Variants in SLIT3 observed in about 807,000 individuals in gnomAD.
SLIT3 encodes the protein slit guidance ligand 3.
A neutral mutation model predicts 184.0 loss-of-function variants in SLIT3; 68 were observed. The ratio of observed to expected loss-of-function variants is 0.37; its 90% CI spans 0.30 to 0.45. SLIT3 has a LOEUF of 0.45. Among genes scored for constraint, SLIT3 ranks in the 20% least tolerant of loss-of-function variants. SLIT3 has a pLI of 1.00. For synonymous variants in SLIT3, 831 were observed against 828.6 expected, an observed-to-expected ratio of 1.00 and a Z score of -0.05; for missense variants, 1,707 against 2,026.0, an observed-to-expected ratio of 0.84 and a Z score of 3.02.
intron 4 of SLIT3, among the ~76,000 whole-genome samples, chr5:168,925,277 T>C (rs961000302): frequency 2.6e-5 from 4 of 152,140 alleles, no homozygotes; most frequent in Non-Finnish European, 5.9e-5. Flanking sequence ...AGGAATAGCA[T>C]TGCAGAACTG....
At position 168,749,684 on chromosome 5, in the gene SLIT3, G is replaced by A. The variant is rs767547413; in HGVS notation, c.1974-49C>T. 18 of 1,601,286 alleles carry A rather than the reference G, an allele frequency of 1.1e-5. 1 individual carries two copies. The highest frequency in any genetic ancestry group is 1.7e-4 in the Middle Eastern group (1 of 6,046). ...GCCTCCATCCTTCTACTGTGGGAGCGGCCCTGGGATCTGCTGCCCAGAGCC... is the reference window on the plus strand; with the variant it reads ...GCCTCCATCCTTCTACTGTGGGAGCAGCCCTGGGATCTGCTGCCCAGAGCC... On this transcript the variant is annotated intron_variant, in intron 18 of 35. Transcript: ENST00000519560.
At chr5:168,966,186 T>A (rs182832169) in intron 4 of SLIT3, among the ~76,000 whole-genome samples, 34 of 152,310 alleles carry the variant, frequency 2.2e-4, no homozygotes, top group African/African-American at 8.2e-4. Flanking sequence ...GACATGTGCT[T>A]TGAATGTGAA....
chr5:169,290,868 G>C (rs1275673820), intron 1 of SLIT3, among the ~76,000 whole-genome samples: 1 of 152,034 alleles, frequency 6.6e-6, no homozygotes, highest in African/African-American at 2.4e-5. Context: ...GCATACGCTA[G>C]GGTGTACACT....
chr5:169,193,215 C>T (rs1267287445), intron 4 of SLIT3, among the ~76,000 whole-genome samples: 1 of 152,198 alleles, frequency 6.6e-6, no homozygotes, highest in Admixed American at 6.5e-5. Context: ...GCATCGCCTC[C>T]CTCCTTGCAA....
At chr5:168,887,494 T>C (rs940552235) in intron 4 of SLIT3, among the ~76,000 whole-genome samples, 1 of 152,172 alleles carries the variant, frequency 6.6e-6, no homozygotes, top group Non-Finnish European at 1.5e-5. Context: ...ATCTTTACAG[T>C]GGGGTTGTTA....
At chr5:169,005,890 A>T (rs1436839808) in intron 4 of SLIT3, among the ~76,000 whole-genome samples, 1 of 152,254 alleles carries the variant, frequency 6.6e-6, no homozygotes, top group Non-Finnish European at 1.5e-5. Context: ...TTGCAAACAA[A>T]CAGCAGTGCA....
intron 14 of SLIT3, among the ~76,000 whole-genome samples, chr5:168,763,884 G>A (rs1321234059): frequency 1.3e-5 from 2 of 152,200 alleles, no homozygotes; most frequent in East Asian, 3.8e-4. Flanking sequence ...TGAGTGTCCT[G>A]TACATGAGTA....
intron 4 of SLIT3, among the ~76,000 whole-genome samples, chr5:168,921,153 T>C (rs1370261574): frequency 6.6e-6 from 1 of 152,246 alleles, no homozygotes; most frequent in African/African-American, 2.4e-5. Context: ...AGAAAACTTC[T>C]GTCCAACAGG....
chr5:168,882,801 G>A (rs192045665), intron 5 of SLIT3, among the ~76,000 whole-genome samples: 20 of 152,280 alleles, frequency 1.3e-4, no homozygotes, highest in Admixed American at 8.5e-4. Context: ...CTCAGGAGCC[G>A]ATGATGAGCC....
chr5:169,225,971 G>T (rs929065930), intron 3 of SLIT3, among the ~76,000 whole-genome samples: 1 of 152,172 alleles, frequency 6.6e-6, no homozygotes, highest in Non-Finnish European at 1.5e-5. Context: ...AAGAGAGGAG[G>T]TCTGCAGTCC....
intron 5 of SLIT3, among the ~76,000 whole-genome samples, chr5:168,848,749 A>G (rs1758570820): frequency 6.6e-6 from 1 of 152,198 alleles, no homozygotes; most frequent in Non-Finnish European, 1.5e-5. Context: ...AACAAGGCAG[A>G]AAGGAAAGCC....
intron 3 of SLIT3, among the ~76,000 whole-genome samples, chr5:169,215,294 C>T (rs897682580): frequency 6.6e-6 from 1 of 152,194 alleles, no homozygotes; most frequent in Non-Finnish European, 1.5e-5. Context: ...TTCTCCTCTA[C>T]TTTATTAACT....
Position 168,840,473 on chromosome 5 carries a change from C to T in SLIT3, c.557+4111G>A, listed in dbSNP as rs542700666. ...TTTTTTTTTCTGACCCATGATGGTA[C>T]GTTAGTCAGGGAGGTGCCACTATAA... is the stretch of plus-strand genomic sequence containing the variant. On this transcript the variant is annotated intron_variant, in intron 6 of 35. Coordinates refer to ENST00000519560, the MANE Select transcript of SLIT3 (RefSeq NM_003062.4). 4.8e-5 allele frequency among the ~76,000 whole-genome samples: 7 copies of T among 145,060 alleles called. No homozygotes were observed. The East Asian group carries it at 6.0e-4, about 13-fold the overall frequency.
chr5:169,150,524 C>G (rs937791736), intron 4 of SLIT3, among the ~76,000 whole-genome samples: 1 of 151,324 alleles, frequency 6.6e-6, no homozygotes, highest in Non-Finnish European at 1.5e-5. Flanking sequence ...CATACACACA[C>G]ACACACACAC....
intron 24 of SLIT3, 111 bp from the exon 25 acceptor site, chr5:168,711,169 C>A (rs944556075): frequency 1.3e-5 from 12 of 928,558 alleles, no homozygotes; most frequent in Non-Finnish European, 1.7e-5. Flanking sequence ...TGGAGGTATC[C>A]AATATGGGGC....
At chr5:169,177,261 C>T (rs191195455) in intron 4 of SLIT3, among the ~76,000 whole-genome samples, 1 of 152,206 alleles carries the variant, frequency 6.6e-6, no homozygotes, top group Non-Finnish European at 1.5e-5. Context: ...AACAGGGCCC[C>T]AGATAAATAA....
intron 4 of SLIT3, among the ~76,000 whole-genome samples, chr5:169,182,143 C>A (rs1408425068): frequency 6.6e-6 from 1 of 152,154 alleles, no homozygotes; most frequent in Non-Finnish European, 1.5e-5. Context: ...CACTTCTAAG[C>A]AGGCTTCATC....
intron 6 of SLIT3, among the ~76,000 whole-genome samples, chr5:168,836,419 C>T (rs142734675): frequency 3.9e-5 from 6 of 152,328 alleles, no homozygotes; most frequent in Non-Finnish European, 8.8e-5. Context: ...GCAGGGGCAC[C>T]TTTGCAAATC....
intron 4 of SLIT3, among the ~76,000 whole-genome samples, chr5:169,140,063 C>G (rs1761667724): frequency 6.6e-6 from 1 of 152,004 alleles, no homozygotes; most frequent in Non-Finnish European, 1.5e-5. Flanking sequence ...CTGCAGGGCC[C>G]TAGAACCAAG....
Sources: gnomAD v4.1 joint callset for allele counts (sites outside exome capture counted in the v4.1 genomes callset) on GRCh38, gnomAD v4.1.1 for gene constraint, MANE v1.5 for transcripts, NCBI Gene and HGNC (gene_info 2026-07-23, HGNC 2026-07-21) for gene names.